Variants in SH2D4B observed in about 807,000 individuals in gnomAD.
SH2D4B encodes the protein SH2 domain-containing protein 4B.
Under a neutral mutation model 61.5 loss-of-function variants are expected in SH2D4B, and 45 were observed. The ratio of observed to expected loss-of-function variants is 0.73; its 90% confidence interval spans 0.58 to 0.94. The LOEUF is 0.94. Ranked by LOEUF, SH2D4B falls within the 40% of genes least tolerant of loss-of-function variation. The pLI is 0.00. For synonymous variants in SH2D4B, 224 were observed against 220.4 expected, an observed-to-expected ratio of 1.02 and a Z score of -0.14; for missense variants, 572 against 574.2, an observed-to-expected ratio of 1.00 and a Z score of 0.04.
chr10:80,572,984 A>G (rs1235636829), intron 3 of SH2D4B, among the ~76,000 whole-genome samples: 152 of 8,274 alleles, frequency 0.018, 2 homozygotes, highest in Middle Eastern at 0.083. Flanking sequence ...ATATATATAT[A>G]TATTTTTTTT....
chr10:80,644,020 G>A lies in SH2D4B; in HGVS notation c.1237G>A (p.Glu413Lys). ...KEEIITVSGG[E>K]LLQEPCGQRD... ...GGAAATTATCACTGTTTCAGGAGGA[G>A]AGTTACTTCAGGAACCCTGCGGACA... The change falls in exon 8 of 8, where the codon GAG becomes AAG. Residue 413 changes from glutamate to lysine, a missense_variant. Coordinates refer to ENST00000646907, the MANE Select transcript of SH2D4B (RefSeq NM_001388272.1). The A allele has an allele frequency of 1.2e-6, 2 of 1,613,872 alleles. No homozygotes were observed. Among genetic ancestry groups the A allele is most frequent in the Non-Finnish European group, 1.7e-6 (2 of 1,179,908 alleles).
chr10:80,598,970 T>C (rs76698922), intron 4 of SH2D4B, among the ~76,000 whole-genome samples: 17,767 of 152,242 alleles, frequency 0.12, 1,217 homozygotes, highest in East Asian at 0.25. Context: ...TGTGTTCACC[T>C]GTGGCTCCTT....
rs1054081306 is a variant in SH2D4B, at chr10:80,644,334, C to A, written c.*249C>A. 2.1e-5 allele frequency: 9 copies of A among 419,490 alleles called. No individual in the cohort carries two copies. The highest frequency in any genetic ancestry group is 1.8e-4 in the African/African-American group (9 of 49,656). 26.0% of individuals were successfully genotyped at this position (419,490 alleles called of 1,614,324 possible). On this transcript the variant is annotated 3_prime_UTR_variant, in exon 8 of 8. Transcript: ENST00000646907. ...AGAGCTTAGCTATGACCTTAGAAGA[C>A]AAAGCCTGTTTGTCATGGCTGCCGT...
intron 6 of SH2D4B, among the ~76,000 whole-genome samples, chr10:80,628,694 A>G (rs772436563): frequency 3.2e-4 from 49 of 152,144 alleles, no homozygotes; most frequent in Non-Finnish European, 4.6e-4. Context: ...TGCAATTTTG[A>G]TTTCTAGGCA....
At chr10:80,631,459 G>A (rs1042598772) in intron 6 of SH2D4B, among the ~76,000 whole-genome samples, 38 of 152,128 alleles carry the variant, frequency 2.5e-4, no homozygotes, top group African/African-American at 8.2e-4. Flanking sequence ...ATGTTGCCCA[G>A]GCTGGTTTTG....
chr10:80,635,487 T>C (rs934968050), intron 7 of SH2D4B, among the ~76,000 whole-genome samples: 4 of 152,180 alleles, frequency 2.6e-5, no homozygotes, highest in African/African-American at 9.7e-5. Flanking sequence ...TTTCTCTTTG[T>C]CTCTTCATGG....
Position 80,644,100 on chromosome 10 carries a change from A to G in SH2D4B, c.*15A>G. 3 of 1,604,576 alleles carry G rather than the reference A, an allele frequency of 1.9e-6. No homozygotes were observed. Among genetic ancestry groups the G allele is most frequent in the Non-Finnish European group, 1.7e-6 (2 of 1,171,854 alleles). On this transcript the variant is annotated 3_prime_UTR_variant, in exon 8 of 8. Transcript: ENST00000646907. ...TGTTTGAATAATTTTTTTCCTTATC[A>G]ATTGGATTCATTTTGGTATCCTGTT...
chr10:80,572,973 TATATA>T (rs1564771953), intron 3 of SH2D4B, among the ~76,000 whole-genome samples: 161 of 11,786 alleles, frequency 0.014, 16 homozygotes, highest in African/African-American at 0.043. Context: ...TATATATATA[TATATA>T]TATATATATT....
intron 6 of SH2D4B, 54 bp downstream of exon 6, chr10:80,609,605 C>T: frequency 3.7e-6 from 6 of 1,611,470 alleles, no homozygotes. Flanking sequence ...CTTTGCCTCT[C>T]TCTGGGGTTG....
intron 6 of SH2D4B, among the ~76,000 whole-genome samples, chr10:80,624,647 A>G (rs1842751479): frequency 1.3e-5 from 2 of 152,206 alleles, no homozygotes; most frequent in East Asian, 1.9e-4. Flanking sequence ...TGCTTGATGT[A>G]ACCCAGATGA....
At chr10:80,562,425 A>G (rs1422627395) in intron 1 of SH2D4B, among the ~76,000 whole-genome samples, 1 of 152,204 alleles carries the variant, frequency 6.6e-6, no homozygotes, top group Middle Eastern at 3.2e-3. Flanking sequence ...GACTGACTGT[A>G]TGTTGTTTTG....
intron 3 of SH2D4B, among the ~76,000 whole-genome samples, chr10:80,587,128 ACGTTTTTTTTTTTTTT>A (rs1842264003): frequency 2.7e-5 from 3 of 111,066 alleles, no homozygotes; most frequent in Admixed American, 1.9e-4. Context: ...AATTCCGGCC[ACGTTTTTTTTTTTTTT>A]TGTTTTGTTT....
At chr10:80,574,989 C>G (rs1842108204) in intron 3 of SH2D4B, among the ~76,000 whole-genome samples, 1 of 152,106 alleles carries the variant, frequency 6.6e-6, no homozygotes. Flanking sequence ...GCATGAGCCA[C>G]CATGCCTGGC....
In SH2D4B at chr10:80,604,276, C is replaced by A. The variant is rs112480280; in HGVS notation, c.860+481C>A. Among the ~76,000 whole-genome samples the A allele has an allele frequency of 4.7e-3, 714 of 152,290 alleles. 4 individuals are homozygous for A. Among genetic ancestry groups the A allele is most frequent in the African/African-American group, 0.016 (656 of 41,564 alleles). ...GTTTGCAGTTTAGCATGGTTGGTTG[C>A]AGGCGGGTCCTCACACACATTTGTG... On this transcript the variant is annotated intron_variant, in intron 5 of 7. Transcript: ENST00000646907.
chr10:80,595,899 T>G (rs1191937820), intron 4 of SH2D4B, among the ~76,000 whole-genome samples: 1 of 152,236 alleles, frequency 6.6e-6, no homozygotes, highest in Non-Finnish European at 1.5e-5. Context: ...GGAATGCATG[T>G]GTATGCAGTT....
At chr10:80,558,567 A>G (rs1168374240) in intron 1 of SH2D4B, among the ~76,000 whole-genome samples, 2 of 152,102 alleles carry the variant, frequency 1.3e-5, no homozygotes, top group Non-Finnish European at 2.9e-5. Flanking sequence ...TGCAACTTCC[A>G]TCTTCTGGGC....
intron 7 of SH2D4B, among the ~76,000 whole-genome samples, chr10:80,642,384 T>C (rs1589367869): frequency 6.6e-6 from 1 of 152,250 alleles, no homozygotes. Flanking sequence ...TTCTAACTTA[T>C]GTGTTTGACT....
rs76540363 is a variant in SH2D4B, at chr10:80,609,439, C to T, written c.876C>T (p.Arg292=). 4,340 of 1,613,988 alleles carry T rather than the reference C, an allele frequency of 2.7e-3. 190 individuals are homozygous for T. The East Asian group carries it at 0.083, about 31-fold the overall frequency. Residue 292 remains arginine (R), a synonymous_variant, in exon 6 of 8, where the codon CGC becomes CGT. Coordinates refer to ENST00000646907, the MANE Select transcript of SH2D4B (RefSeq NM_001388272.1). Reference sequence around the variant, plus strand: ...TTCTCTTCAGCAGGACCTGGGAGCGCCCGCTGCGCCCAGTCTCCAGAGATG... The same window carrying T: ...TTCTCTTCAGCAGGACCTGGGAGCGTCCGCTGCGCCCAGTCTCCAGAGATG... ...LALPVSRTWE[R]PLRPVSRDVI...
intron 2 of SH2D4B, 62 bp from the exon 3 acceptor site, chr10:80,571,369 C>T (rs1312984149): frequency 6.5e-7 from 1 of 1,535,746 alleles, no homozygotes; most frequent in African/African-American, 1.4e-5. Flanking sequence ...ATTTCAAGTT[C>T]TATTGTTAGG....
Sources: allele counts gnomAD v4.1 joint callset (sites outside exome capture counted in the v4.1 genomes callset), GRCh38; gene constraint gnomAD v4.1.1; transcripts MANE v1.5; gene names NCBI Gene and HGNC (gene_info 2026-07-23, HGNC 2026-07-21).